The following FRMD4A variants were observed in gnomAD, a reference collection of about 807,000 sequenced individuals.
FRMD4A encodes the protein FERM domain-containing protein 4A.
A neutral mutation model predicts 129.1 loss-of-function variants in FRMD4A; 29 were observed. The ratio of observed to expected loss-of-function variants is 0.22; its 90% confidence interval spans 0.17 to 0.31. The LOEUF (loss-of-function observed/expected upper bound fraction) is 0.31, where lower values mean the gene tolerates loss of function less well. Ranked by LOEUF, FRMD4A falls within the 10% of genes least tolerant of loss-of-function variation. The probability of loss-of-function intolerance (pLI) is 1.00; values close to 1 mark genes in which losing one functional copy is unlikely to be tolerated. For missense variants in FRMD4A, 1,272 were observed against 1,375.8 expected (o/e 0.92, Z 1.19); for synonymous variants, 634 against 571.6 (o/e 1.11, Z -1.56).
At chr10:14,165,971 T>A (rs528997417) in intron 2 of FRMD4A, among the ~76,000 whole-genome samples, 5 of 152,072 alleles carry the variant, frequency 3.3e-5, no homozygotes, top group Non-Finnish European at 7.4e-5. Flanking sequence ...ATCTAGCCCT[T>A]GTAACAAACG....
chr10:14,316,982 A>C (rs1396334182), intron 2 of FRMD4A, among the ~76,000 whole-genome samples: 1 of 152,216 alleles, frequency 6.6e-6, no homozygotes, highest in Non-Finnish European at 1.5e-5. Context: ...ACTCTCTCCC[A>C]TTCTCGCTTT....
chr10:14,220,812 T>TTGTGTGTG (rs60118766), intron 2 of FRMD4A, among the ~76,000 whole-genome samples: 32 of 45,456 alleles, frequency 7.0e-4, no homozygotes, highest in African/African-American at 1.3e-3. Flanking sequence ...GTGTGTGTGT[T>TTGTGTGTG]TGTGTGTGTG....
At chr10:14,196,703 A>G (rs1297989186) in intron 2 of FRMD4A, among the ~76,000 whole-genome samples, 1 of 152,210 alleles carries the variant, frequency 6.6e-6, no homozygotes, top group African/African-American at 2.4e-5. Flanking sequence ...TAGAAATGCC[A>G]TTCTTAATGT....
intron 2 of FRMD4A, among the ~76,000 whole-genome samples, chr10:13,954,675 A>C (rs568513552): frequency 6.6e-6 from 1 of 152,136 alleles, no homozygotes; most frequent in Non-Finnish European, 1.5e-5. Context: ...CCATCCATGC[A>C]TGGCAGCAGT....
At chr10:13,812,496 A>C (rs2093466267) in intron 3 of FRMD4A, among the ~76,000 whole-genome samples, 1 of 152,362 alleles carries the variant, frequency 6.6e-6, no homozygotes, top group Admixed American at 6.5e-5. Context: ...TTATTTATTG[A>C]ATGCCTACTA....
In FRMD4A at chr10:13,890,459, G is replaced by A. The variant is rs551609180; in HGVS notation, c.46-31547C>T. 77 of 905,796 alleles carry A rather than the reference G, an allele frequency of 8.5e-5. 1 individual carries two copies. In the African/African-American group the frequency reaches 1.3e-3, roughly 16 times the overall value. The allele number at this position is 905,796 out of a possible 1,614,324, so 56.1% of individuals were successfully genotyped here. ...TGCTTTCCCACAGATCAGTGATGCT[G>A]TTGGAAAAGGACGACTTACGGATGC... On this transcript the variant is annotated intron_variant, in intron 2 of 24. Coordinates refer to ENST00000357447, the MANE Select transcript of FRMD4A (RefSeq NM_018027.5).
intron 14 of FRMD4A, among the ~76,000 whole-genome samples, chr10:13,700,459 C>T (rs1436661971): frequency 1.3e-5 from 2 of 152,204 alleles, no homozygotes; most frequent in Non-Finnish European, 2.9e-5. Context: ...GGAAATCCTC[C>T]GTAAGTGCTA....
chr10:13,853,243 G>T (rs541655379), intron 3 of FRMD4A, among the ~76,000 whole-genome samples: 8 of 152,300 alleles, frequency 5.3e-5, no homozygotes, highest in Non-Finnish European at 1.2e-4. Context: ...TATCATCAAA[G>T]GGAAGAAGGG....
In FRMD4A at chr10:14,249,016, C is replaced by T. The variant is rs111946638; in HGVS notation, c.45+81042G>A. Among the ~76,000 whole-genome samples, 524 of 152,304 alleles carry T rather than the reference C, an allele frequency of 3.4e-3. 4 individuals carry two copies. Among genetic ancestry groups the T allele is most frequent in the African/African-American group, 0.012 (496 of 41,572 alleles). On this transcript the variant is annotated intron_variant, in intron 2 of 24. Transcript: ENST00000357447. ...ACCTACGTTTTGACATACGTGATGA[C>T]TTTAAGTCCCTTTTACAGATGACAA...
At chr10:13,959,096 C>A (rs2095429255) in intron 2 of FRMD4A, among the ~76,000 whole-genome samples, 1 of 152,162 alleles carries the variant, frequency 6.6e-6, no homozygotes, top group East Asian at 1.9e-4. Context: ...GCAATGGGCA[C>A]TTGCAAGTAT....
At chr10:14,174,516 G>C (rs1162125908) in intron 2 of FRMD4A, among the ~76,000 whole-genome samples, 3 of 149,534 alleles carry the variant, frequency 2.0e-5, no homozygotes, top group Non-Finnish European at 4.4e-5. Flanking sequence ...AGAGCTGAGA[G>C]CACTGTTGCG....
intron 2 of FRMD4A, among the ~76,000 whole-genome samples, chr10:14,071,519 T>C (rs929110858): frequency 2.0e-5 from 3 of 152,144 alleles, no homozygotes. Context: ...TTTTCCATCA[T>C]CCGAAAACAT....
At chr10:13,919,857 G>A (rs1021579582) in intron 2 of FRMD4A, among the ~76,000 whole-genome samples, 6 of 152,156 alleles carry the variant, frequency 3.9e-5, no homozygotes, top group Non-Finnish European at 5.9e-5. Flanking sequence ...AGGATTGCTT[G>A]AACCCAAGAG....
chr10:14,138,323 C>A (rs1460191016), intron 2 of FRMD4A, among the ~76,000 whole-genome samples: 5 of 152,144 alleles, frequency 3.3e-5, no homozygotes, highest in African/African-American at 1.2e-4. Context: ...GCTGACAAAG[C>A]CTCTCTACAG....
chr10:14,329,086 G>A (rs900241749), intron 2 of FRMD4A, among the ~76,000 whole-genome samples: 2 of 152,174 alleles, frequency 1.3e-5, no homozygotes, highest in African/African-American at 4.8e-5. Context: ...CCCACTGACG[G>A]CTCTTCCAAG....
At chr10:14,165,649 T>C (rs993311288) in intron 2 of FRMD4A, among the ~76,000 whole-genome samples, 6 of 152,166 alleles carry the variant, frequency 3.9e-5, no homozygotes, top group African/African-American at 1.4e-4. Context: ...ATGTGGTACA[T>C]ATACACCATA....
At chr10:13,680,280 G>C (rs750765017) in intron 15 of FRMD4A, among the ~76,000 whole-genome samples, 10 of 151,468 alleles carry the variant, frequency 6.6e-5, no homozygotes, top group African/African-American at 2.4e-4. Context: ...AACATGGTGA[G>C]ACTCTGTCTC....
intron 2 of FRMD4A, among the ~76,000 whole-genome samples, chr10:14,109,330 G>T (rs144244905): frequency 6.6e-6 from 1 of 152,090 alleles, no homozygotes; most frequent in East Asian, 1.9e-4. Flanking sequence ...CAGTTCCTTA[G>T]TAGACCATAA....
intron 2 of FRMD4A, among the ~76,000 whole-genome samples, chr10:14,177,951 G>A (rs1181958473): frequency 6.6e-6 from 1 of 152,198 alleles, no homozygotes; most frequent in African/African-American, 2.4e-5. Flanking sequence ...AGATGATGCT[G>A]CTGTTGATGG....
Sources: gnomAD v4.1 joint callset for allele counts (sites outside exome capture counted in the v4.1 genomes callset) on GRCh38, gnomAD v4.1.1 for gene constraint, MANE v1.5 for transcripts, NCBI Gene and HGNC (gene_info 2026-07-23, HGNC 2026-07-21) for gene names.